PIP5K1B: variants seen among roughly 807,000 people sequenced by gnomAD.
The protein encoded by PIP5K1B is phosphatidylinositol 4-phosphate 5-kinase type-1 beta.
Under a neutral mutation model 67.0 loss-of-function variants are expected in PIP5K1B, and 42 were observed. The ratio of observed to expected loss-of-function variants is 0.63; its 90% CI spans 0.49 to 0.81. The LOEUF (loss-of-function observed/expected upper bound fraction) is 0.81, where lower values mean the gene tolerates loss of function less well. PIP5K1B is among the 30% of genes least tolerant of loss of function. PIP5K1B has a pLI of 0.00. For synonymous variants in PIP5K1B, 214 were observed against 231.4 expected (o/e 0.92, Z 0.68); for missense variants, 459 against 646.3 (o/e 0.71, Z 3.14).
At chr9:68,788,479 G>GTTTTGTTTT (rs749054632) in intron 2 of PIP5K1B, 32 of 356,020 alleles carry the variant, frequency 9.0e-5, no homozygotes, top group African/African-American at 7.1e-4. Flanking sequence ...GAAGGTTTTT[G>GTTTTGTTTT]TTTTGTTTTG....
intron 14 of PIP5K1B, among the ~76,000 whole-genome samples, chr9:68,984,062 T>G (rs1359292309): frequency 6.6e-6 from 1 of 152,128 alleles, no homozygotes; most frequent in East Asian, 1.9e-4. Context: ...CTCTAAAAAA[T>G]ACAAATTAAA....
At chr9:68,783,980 T>C (rs1159489173) in intron 2 of PIP5K1B, 1 of 167,168 alleles carries the variant, frequency 6.0e-6, no homozygotes, top group Admixed American at 6.5e-5. Flanking sequence ...TCCCCCCTCG[T>C]TTTCTGTGCT....
intron 4 of PIP5K1B, among the ~76,000 whole-genome samples, chr9:68,835,576 A>C (rs996142388): frequency 2.6e-5 from 4 of 152,200 alleles, no homozygotes; most frequent in Non-Finnish European, 4.4e-5. Context: ...TCCAGGTATT[A>C]CTAGAATTCA....
intron 14 of PIP5K1B, among the ~76,000 whole-genome samples, chr9:68,961,928 C>G (rs1828769634): frequency 6.6e-6 from 1 of 152,222 alleles, no homozygotes; most frequent in Non-Finnish European, 1.5e-5. Flanking sequence ...CTTTCAACCA[C>G]AGATACTTAA....
At chr9:68,736,412 C>T (rs1828739622) in intron 1 of PIP5K1B, among the ~76,000 whole-genome samples, 2 of 152,040 alleles carry the variant, frequency 1.3e-5, no homozygotes, top group Non-Finnish European at 2.9e-5. Flanking sequence ...CTCTGTAGTC[C>T]TCAGGTTTAT....
intron 8 of PIP5K1B, among the ~76,000 whole-genome samples, chr9:68,897,788 C>T (rs949402308): frequency 2.6e-5 from 4 of 152,034 alleles, no homozygotes; most frequent in African/African-American, 9.7e-5. Context: ...GGCTGACCTC[C>T]CCCTGCTTCT....
chr9:68,781,935 A>G (rs569189035), intron 2 of PIP5K1B: 2 of 167,114 alleles, frequency 1.2e-5, no homozygotes, highest in Admixed American at 1.3e-4. Context: ...ACTCAGGTAA[A>G]CAATACTCTC....
rs558810934 is a variant in PIP5K1B at position 68,735,316 on chromosome 9, C to CTTTTTTTTT, written c.-242-7165_-242-7157dup. Among the ~76,000 whole-genome samples, 14 of 29,800 alleles carry CTTTTTTTTT rather than the reference C, an allele frequency of 4.7e-4. 2 individuals are homozygous for CTTTTTTTTT. The highest frequency in any genetic ancestry group is 1.1e-3 in the Admixed American group (2 of 1,768). The allele number at this position is 29,800 out of a possible 152,430, so 19.5% of individuals were successfully genotyped here. On this transcript the variant is annotated intron_variant, in intron 1 of 15. Coordinates refer to ENST00000265382, the MANE Select transcript of PIP5K1B (RefSeq NM_003558.4). ...CAGATTTGCTGTTTTCCCCTAGTGT[C>CTTTTTTTTT]TTTTTTTTTTTTTTTTTTTTTTTTT...
intron 8 of PIP5K1B, among the ~76,000 whole-genome samples, chr9:68,898,035 C>T (rs912013287): frequency 6.6e-6 from 1 of 152,288 alleles, no homozygotes. Flanking sequence ...CTTCTCCTGG[C>T]ATCCTTGTGG....
chr9:68,927,292 G>T (rs1199450420), intron 12 of PIP5K1B, among the ~76,000 whole-genome samples: 1 of 152,156 alleles, frequency 6.6e-6, no homozygotes, highest in Non-Finnish European at 1.5e-5. Flanking sequence ...GTACCTAGAA[G>T]TGGAATTGCT....
At chr9:68,955,688 A>G (rs1286230045) in intron 14 of PIP5K1B, among the ~76,000 whole-genome samples, 1 of 152,210 alleles carries the variant, frequency 6.6e-6, no homozygotes, top group Non-Finnish European at 1.5e-5. Context: ...GGTTAAAATA[A>G]TTACATGAGT....
chr9:68,974,470 A>G (rs1829540019), intron 14 of PIP5K1B, among the ~76,000 whole-genome samples: 1 of 152,230 alleles, frequency 6.6e-6, no homozygotes, highest in South Asian at 2.1e-4. Context: ...GTTTGGGTAT[A>G]TAAAAGAACC....
chr9:68,763,210 A>G (rs1830265530), intron 2 of PIP5K1B, among the ~76,000 whole-genome samples: 1 of 152,148 alleles, frequency 6.6e-6, no homozygotes, highest in African/African-American at 2.4e-5. Context: ...CCAAGCCAGC[A>G]GCCTGTGCAG....
intron 2 of PIP5K1B, among the ~76,000 whole-genome samples, chr9:68,767,654 G>T (rs1052779904): frequency 6.7e-6 from 1 of 150,302 alleles, no homozygotes; most frequent in Non-Finnish European, 1.5e-5. Flanking sequence ...TAAATACCAT[G>T]ATCAAGTAGG....
At chr9:68,781,054 T>G (rs1418615334) in intron 2 of PIP5K1B, 5 of 1,595,360 alleles carry the variant, frequency 3.1e-6, no homozygotes, top group South Asian at 1.1e-5. Context: ...ACTTTCTTTT[T>G]GCAGTGGAGA....
At chr9:68,806,645 C>A (rs1353730737) in intron 2 of PIP5K1B, among the ~76,000 whole-genome samples, 1 of 152,198 alleles carries the variant, frequency 6.6e-6, no homozygotes, top group Non-Finnish European at 1.5e-5. Context: ...GGATAATTTT[C>A]TCTTACCAGA....
At chr9:68,868,949 G>T (rs151255383) in intron 5 of PIP5K1B, among the ~76,000 whole-genome samples, 89 of 152,284 alleles carry the variant, frequency 5.8e-4, no homozygotes, top group African/African-American at 2.0e-3. Flanking sequence ...TTTTGGAAAA[G>T]AATTCCAAGA....
chr9:68,823,974 A>G (rs1400570619), intron 4 of PIP5K1B: 1 of 404,898 alleles, frequency 2.5e-6, no homozygotes, highest in Non-Finnish European at 4.8e-6. Flanking sequence ...GTTGTCATTC[A>G]AAGTGATGGT....
intron 14 of PIP5K1B, among the ~76,000 whole-genome samples, chr9:68,942,408 G>T (rs1827605887): frequency 6.6e-6 from 1 of 152,186 alleles, no homozygotes; most frequent in Admixed American, 6.5e-5. Flanking sequence ...ATCATTTCGT[G>T]AGATTTTCAG....
Sources: allele counts gnomAD v4.1 joint callset (sites outside exome capture counted in the v4.1 genomes callset), GRCh38; gene constraint gnomAD v4.1.1; transcripts MANE v1.5; gene names NCBI Gene and HGNC (gene_info 2026-07-23, HGNC 2026-07-21).